NTSR1: variants seen among roughly 807,000 people sequenced by gnomAD.
NTSR1 encodes neurotensin receptor type 1.
In NTSR1, 29 loss-of-function variants were observed where a neutral mutation model predicts 31.2. That is an observed-to-expected ratio of 0.93 (90% confidence interval 0.69 to 1.27). The LOEUF (loss-of-function observed/expected upper bound fraction) is 1.27. NTSR1 is among the 50% of genes most tolerant of loss of function. The pLI is 0.00. For synonymous variants in NTSR1, 282 were observed against 269.9 expected, an observed-to-expected ratio of 1.04 and a Z score of -0.44; for missense variants, 697 against 595.4, an observed-to-expected ratio of 1.17 and a Z score of -1.78.
rs545488506 is a variant in NTSR1 at position 62,741,808 on chromosome 20, A to G, written c.715-12877A>G. Among the ~76,000 whole-genome samples the G allele has an allele frequency of 1.3e-5, 2 of 149,756 alleles. No individual in the cohort carries two copies. The highest frequency in any genetic ancestry group is 4.2e-4 in the South Asian group (2 of 4,758). ...GAAGGCATCTGCTCAGGTGAGGTAC[A>G]TGCCACAAAGCTTCACCAGTGGGGA... is the stretch of plus-strand genomic sequence containing the variant. On this transcript the variant is annotated intron_variant, in intron 1 of 3. Transcript: ENST00000370501. The surrounding 1 kb of genome is among the most constrained non-coding windows in gnomAD (Gnocchi z 4.3).
In NTSR1 at chr20:62,714,179, G is replaced by A. The variant is rs1286165873; in HGVS notation, c.714+4258G>A. On this transcript the variant is annotated intron_variant, in intron 1 of 3. Transcript: ENST00000370501. This position sits in a 1 kb window ranked among gnomAD's most constrained non-coding sequence, Gnocchi z 4.1. Reference sequence around the variant, plus strand: ...TGACCTCCCGTGAGGACGGGAAGGGGACCCACGCCACGCAGCTGTGGGCAG... The same window carrying A: ...TGACCTCCCGTGAGGACGGGAAGGGAACCCACGCCACGCAGCTGTGGGCAG... Among the ~76,000 whole-genome samples, 1 of 152,222 alleles carries A rather than the reference G, an allele frequency of 6.6e-6. No individual in the cohort carries two copies. Among genetic ancestry groups the A allele is most frequent in the Non-Finnish European group, 1.5e-5 (1 of 68,032 alleles).
intron 2 of NTSR1, among the ~76,000 whole-genome samples, chr20:62,757,874 C>A (rs1394234197): frequency 6.6e-6 from 1 of 151,814 alleles, no homozygotes; most frequent in Admixed American, 6.6e-5. Flanking sequence ...CACGTCTCTC[C>A]CTCTCTGAGC....
At chr20:62,725,378 C>A (rs983456168) in intron 1 of NTSR1, among the ~76,000 whole-genome samples, 3 of 152,250 alleles carry the variant, frequency 2.0e-5, no homozygotes, top group African/African-American at 4.8e-5. Flanking sequence ...TGAGGCCATG[C>A]GAGACACAGT....
chr20:62,748,337 T>A (rs1425471977), intron 1 of NTSR1, among the ~76,000 whole-genome samples: 1 of 152,194 alleles, frequency 6.6e-6, no homozygotes, highest in African/African-American at 2.4e-5. Context: ...TTCATATTGT[T>A]AAAATTTTCA....
rs1184738441 is a variant in NTSR1, at chr20:62,743,621, G to A, written c.715-11064G>A. Among the ~76,000 whole-genome samples the A allele has an allele frequency of 6.7e-6, 1 of 148,528 alleles. No individual in the cohort carries two copies. Among genetic ancestry groups the A allele is most frequent in the Non-Finnish European group, 1.5e-5 (1 of 67,036 alleles). The stretch of plus-strand genomic sequence containing the variant: ...CCCTCCCACCCGCCCCGCAGCCTCT[G>A]CAGCCATCTTACAAAGCCTCTGGGT... On this transcript the variant is annotated intron_variant, in intron 1 of 3. Transcript: ENST00000370501. This position sits in a 1 kb window ranked among gnomAD's most constrained non-coding sequence, Gnocchi z 7.5.
intron 1 of NTSR1, among the ~76,000 whole-genome samples, chr20:62,710,243 C>T (rs537289278): frequency 2.0e-5 from 3 of 152,382 alleles, no homozygotes; most frequent in African/African-American, 7.2e-5. Context: ...AAGAGTAACA[C>T]TTTCATCAGC....
chr20:62,723,953 G>T (rs888707131), intron 1 of NTSR1, among the ~76,000 whole-genome samples: 15 of 152,214 alleles, frequency 9.9e-5, no homozygotes, highest in Admixed American at 2.6e-4. Flanking sequence ...AGCCTCTGGG[G>T]CAGGAGGCAG....
intron 1 of NTSR1, among the ~76,000 whole-genome samples, chr20:62,734,520 C>A (rs57071929): frequency 6.6e-6 from 1 of 152,062 alleles, no homozygotes; most frequent in Non-Finnish European, 1.5e-5. Context: ...CCTGGAGGCT[C>A]TGGGTTCTCT....
chr20:62,738,892 T>C (rs1269637363), intron 1 of NTSR1, among the ~76,000 whole-genome samples: 3 of 152,344 alleles, frequency 2.0e-5, no homozygotes, highest in Middle Eastern at 3.4e-3. Flanking sequence ...AAGGGAAATA[T>C]GCTCAGGGTC....
chr20:62,717,103 A>G (rs1298171812), intron 1 of NTSR1, among the ~76,000 whole-genome samples: 1 of 151,902 alleles, frequency 6.6e-6, no homozygotes, highest in Non-Finnish European at 1.5e-5. Flanking sequence ...CGCCTGCCCC[A>G]CCCTGGTGCC....
At chr20:62,712,700 C>G (rs1335253907) in intron 1 of NTSR1, among the ~76,000 whole-genome samples, 1 of 152,210 alleles carries the variant, frequency 6.6e-6, no homozygotes, top group Non-Finnish European at 1.5e-5. Flanking sequence ...TACGGGTGCC[C>G]CTGGGTTCCC....
intron 1 of NTSR1, among the ~76,000 whole-genome samples, chr20:62,728,228 C>A (rs1037310958): frequency 6.6e-6 from 1 of 152,130 alleles, no homozygotes; most frequent in Non-Finnish European, 1.5e-5. Flanking sequence ...AGCATCCGAG[C>A]CTTGATCAAC....
Position 62,709,604 on chromosome 20 carries a change from C to A in NTSR1, c.397C>A (p.Pro133Thr). Residue 133 changes from proline to threonine, a missense_variant, in exon 1 of 4, where the codon CCC becomes ACC. By Grantham distance (38) the Pro-to-Thr change is conservative. Coordinates refer to ENST00000370501, the MANE Select transcript of NTSR1 (RefSeq NM_002531.3). ...ELYNFIWVHHPWAFGDAGCRG... is the reference protein window; with the variant it reads ...ELYNFIWVHHTWAFGDAGCRG... ...GTACAACTTCATCTGGGTGCACCAC[C>A]CCTGGGCCTTCGGCGACGCCGGCTG... The A allele has an allele frequency of 6.2e-7, 1 of 1,611,758 alleles. No individual in the cohort carries two copies. The highest frequency in any genetic ancestry group is 1.1e-5 in the South Asian group (1 of 91,084).
intron 1 of NTSR1, among the ~76,000 whole-genome samples, chr20:62,730,267 C>G (rs1016160283): frequency 2.0e-5 from 3 of 152,192 alleles, no homozygotes; most frequent in Non-Finnish European, 4.4e-5. Flanking sequence ...TCCTCCCTCC[C>G]CACAACCCCT....
At chr20:62,713,168 C>A (rs1198498161) in intron 1 of NTSR1, among the ~76,000 whole-genome samples, 3 of 152,228 alleles carry the variant, frequency 2.0e-5, no homozygotes, top group African/African-American at 7.2e-5. Context: ...TTCATCATTG[C>A]CATTTTCTGC....
At chr20:62,737,562 G>A (rs1989119500) in intron 1 of NTSR1, among the ~76,000 whole-genome samples, 1 of 152,116 alleles carries the variant, frequency 6.6e-6, no homozygotes, top group Non-Finnish European at 1.5e-5. Context: ...GCACTTAAAC[G>A]AGCCCTCTGT....
Position 62,739,530 on chromosome 20 carries a change from T to C in NTSR1, c.715-15155T>C, listed in dbSNP as rs556255252. 1.4e-4 allele frequency among the ~76,000 whole-genome samples: 22 copies of C among 152,282 alleles called. No individual in the cohort carries two copies. The South Asian group carries it at 4.6e-3, about 32-fold the overall frequency. The stretch of plus-strand genomic sequence containing the variant: ...AGTCAGTCCCTCCCATGCAGGTACT[T>C]GGGGGTGTGAGGGGCCGCCCCCGGC... On this transcript the variant is annotated intron_variant, in intron 1 of 3. Transcript: ENST00000370501.
chr20:62,758,357 G>A lies in NTSR1; in HGVS notation c.1007+1G>A, dbSNP rs374496333. On this transcript the variant is annotated splice_donor_variant, in intron 3 of 3. Coordinates refer to ENST00000370501, the MANE Select transcript of NTSR1 (RefSeq NM_002531.3). LOFTEE classifies it high-confidence loss of function. The surrounding 1 kb of genome is among the most constrained non-coding windows in gnomAD (Gnocchi z 4.5). Reference sequence around the variant, plus strand: ...ACATCTCGGATGAGCAGTGGACTCCGTGAGTACCGGGAACCAGGAAGTTGG... The same window carrying A: ...ACATCTCGGATGAGCAGTGGACTCCATGAGTACCGGGAACCAGGAAGTTGG... 2.1e-5 allele frequency: 34 copies of A among 1,612,942 alleles called. No individual in the cohort carries two copies. Among genetic ancestry groups the A allele is most frequent in the Admixed American group, 6.7e-5 (4 of 60,002 alleles).
At chr20:62,750,964 C>T (rs1028502917) in intron 1 of NTSR1, among the ~76,000 whole-genome samples, 2 of 152,224 alleles carry the variant, frequency 1.3e-5, no homozygotes, top group East Asian at 3.9e-4. Context: ...TAGCCTCAAA[C>T]TCCTGGGCTC....
Sources: allele counts gnomAD v4.1 joint callset (sites outside exome capture counted in the v4.1 genomes callset), GRCh38; gene constraint gnomAD v4.1.1; non-coding constraint Gnocchi (gnomAD v3.1); transcripts MANE v1.5; gene names NCBI Gene and HGNC (gene_info 2026-07-23, HGNC 2026-07-21).